Variants in WSCD2 observed in about 807,000 individuals in gnomAD.
WSCD2 encodes WSC domain sialate O sulfotransferase 2.
WSCD2 carries 28 observed loss-of-function variants against 55.7 expected under a neutral mutation model. That is an observed-to-expected ratio of 0.50 (90% CI 0.37 to 0.69). The LOEUF (loss-of-function observed/expected upper bound fraction) is 0.69, where lower values mean the gene tolerates loss of function less well. WSCD2 is among the 30% of genes least tolerant of loss of function. The pLI is 0.00. For missense variants in WSCD2, 616 were observed against 762.1 expected, an observed-to-expected ratio of 0.81 and a Z score of 2.26; for synonymous variants, 301 against 301.9, an observed-to-expected ratio of 1.00 and a Z score of 0.03.
At position 108,140,987 on chromosome 12, in the gene WSCD2, A is replaced by G. The variant is rs1320464337; in HGVS notation, c.-552+11061A>G. ...GATGAGTTCCCTATGGCTACGGGAA[A>G]CAATGTCCATAAAGGTAGTGGCTTG... On this transcript the variant is annotated intron_variant, in intron 1 of 8. Coordinates refer to ENST00000547525, the MANE Select transcript of WSCD2 (RefSeq NM_014653.4). 2.0e-5 allele frequency among the ~76,000 whole-genome samples: 3 copies of G among 152,246 alleles called. No homozygotes were observed. In the East Asian group the frequency reaches 5.8e-4, roughly 29 times the overall value.
intron 8 of WSCD2, among the ~76,000 whole-genome samples, chr12:108,247,309 TA>T (rs1235462516): frequency 6.6e-6 from 1 of 150,386 alleles, no homozygotes; most frequent in African/African-American, 2.4e-5. Flanking sequence ...TATAAGTATG[TA>T]ATCTAAAATA....
At chr12:108,179,264 G>T (rs78429732) in intron 1 of WSCD2, among the ~76,000 whole-genome samples, 2 of 149,208 alleles carry the variant, frequency 1.3e-5, no homozygotes, top group South Asian at 2.1e-4. Context: ...CAGCGGGGGA[G>T]GGGGGGCAGA....
At position 108,211,296 on chromosome 12, in the gene WSCD2, T is replaced by G. The variant is rs13378040; in HGVS notation, c.682+991T>G. Among the ~76,000 whole-genome samples, 1,077 of 152,354 alleles carry G rather than the reference T, an allele frequency of 7.1e-3. 11 individuals carry two copies. Among genetic ancestry groups the G allele is most frequent in the African/African-American group, 0.025 (1,025 of 41,590 alleles). On this transcript the variant is annotated intron_variant, in intron 4 of 8. Coordinates refer to ENST00000547525, the MANE Select transcript of WSCD2 (RefSeq NM_014653.4). ...AAGGACAGAAGCAGAAATCCACAGC[T>G]GCTTCTCTAGCCCTCTGGCCAGTGC...
intron 1 of WSCD2, among the ~76,000 whole-genome samples, chr12:108,157,584 T>A (rs752424686): frequency 6.6e-6 from 1 of 152,192 alleles, no homozygotes; most frequent in Non-Finnish European, 1.5e-5. Context: ...CTTCCAAGAT[T>A]TAAAAAGTGG....
intron 2 of WSCD2, chr12:108,197,122 T>C (rs1884028337): frequency 6.6e-6 from 1 of 151,252 alleles, no homozygotes; most frequent in African/African-American, 2.4e-5. Flanking sequence ...TTAACACAAA[T>C]GGACATTTCA....
chr12:108,240,652 C>T (rs1889665806), intron 8 of WSCD2, 108 bp downstream of exon 8: 3 of 1,292,798 alleles, frequency 2.3e-6, no homozygotes, highest in East Asian at 2.5e-5. Flanking sequence ...GGCAATGCCT[C>T]ATGCGAGGAA....
Position 108,249,074 on chromosome 12 carries a change from A to G in WSCD2, c.*731A>G, listed in dbSNP as rs1890282871. Reference sequence around the variant, plus strand: ...GCCCCTTTCTATCCATGCTGTGTCCAGGAGGTGACCTTGAGATCCTGATAC... The same window carrying G: ...GCCCCTTTCTATCCATGCTGTGTCCGGGAGGTGACCTTGAGATCCTGATAC... On this transcript the variant is annotated 3_prime_UTR_variant, in exon 9 of 9. Transcript: ENST00000547525. 2 of 298,922 alleles carry G rather than the reference A, an allele frequency of 6.7e-6. No homozygotes were observed. Among genetic ancestry groups the G allele is most frequent in the African/African-American group, 4.5e-5 (2 of 43,984 alleles). The allele number at this position is 298,922 out of a possible 1,614,324, so 18.5% of individuals were successfully genotyped here. A position where few individuals can be genotyped will look rare whatever the true frequency, so the allele number is the denominator to read the frequency against.
At chr12:108,140,685 T>A (rs906882125) in intron 1 of WSCD2, among the ~76,000 whole-genome samples, 1 of 152,160 alleles carries the variant, frequency 6.6e-6, no homozygotes, top group Non-Finnish European at 1.5e-5. Flanking sequence ...TCACCCCTCA[T>A]GATCCCCCAG....
At chr12:108,228,947 G>T (rs1348234226) in intron 6 of WSCD2, among the ~76,000 whole-genome samples, 1 of 152,214 alleles carries the variant, frequency 6.6e-6, no homozygotes, top group African/African-American at 2.4e-5. Flanking sequence ...GCCTGCAGGG[G>T]AAAGTCATAC....
In WSCD2 at chr12:108,248,642, G is replaced by C. The variant is rs1890256390; in HGVS notation, c.*299G>C. ...TGGGTCCCTGCCCCCACCACTCTGG[G>C]TTCCATTTGTGGGAGGGAGGGCTCA... On this transcript the variant is annotated 3_prime_UTR_variant, in exon 9 of 9. Transcript: ENST00000547525. This position sits in a 1 kb window ranked among gnomAD's most constrained non-coding sequence, Gnocchi z 4.3. 8.9e-7 allele frequency: 1 copy of C among 1,120,008 alleles called. No individual in the cohort carries two copies. Among genetic ancestry groups the C allele is most frequent in the Non-Finnish European group, 1.1e-6 (1 of 912,286 alleles). The allele number at this position is 1,120,008 out of a possible 1,614,324, so 69.4% of individuals were successfully genotyped here.
intron 1 of WSCD2, among the ~76,000 whole-genome samples, chr12:108,132,398 G>A (rs1442168592): frequency 1.3e-5 from 2 of 152,226 alleles, no homozygotes; most frequent in Non-Finnish European, 2.9e-5. Flanking sequence ...GGGCTCATGT[G>A]CTTGTGTGAG....
chr12:108,174,824 G>A (rs571804575), intron 1 of WSCD2, among the ~76,000 whole-genome samples: 2 of 152,240 alleles, frequency 1.3e-5, no homozygotes, highest in East Asian at 3.9e-4. Context: ...GTCTTGCTTT[G>A]TTGCCCAGAT....
chr12:108,186,902 G>C (rs1197046913), intron 1 of WSCD2, among the ~76,000 whole-genome samples: 2 of 152,140 alleles, frequency 1.3e-5, no homozygotes, highest in South Asian at 4.2e-4. Flanking sequence ...TTGGTCCTAC[G>C]AGATCAAGGA....
intron 1 of WSCD2, among the ~76,000 whole-genome samples, chr12:108,139,409 T>C (rs1385281244): frequency 6.6e-6 from 1 of 152,204 alleles, no homozygotes; most frequent in Non-Finnish European, 1.5e-5. Context: ...ACCCAATGCC[T>C]GCACCTAGGA....
chr12:108,225,749 G>GC (rs1888011006), intron 5 of WSCD2, among the ~76,000 whole-genome samples: 1 of 152,084 alleles, frequency 6.6e-6, no homozygotes, highest in Admixed American at 6.5e-5. Context: ...TATATTTTGT[G>GC]CCCCCCTTCA....
chr12:108,224,892 G>C lies in WSCD2; in HGVS notation c.804+32G>C, dbSNP rs573339062. The C allele has an allele frequency of 5.8e-5, 93 of 1,607,338 alleles. 3 individuals carry two copies. The South Asian group carries it at 8.3e-4, about 14-fold the overall frequency. On this transcript the variant is annotated intron_variant, in intron 5 of 8. Coordinates refer to ENST00000547525, the MANE Select transcript of WSCD2 (RefSeq NM_014653.4). ...ACAAGGTGGGGCCCATGGAACTCAG[G>C]GGGAGGGAACCATGCAGCAGAGCTG...
Position 108,242,971 on chromosome 12 carries a change from G to GC in WSCD2, c.1345+2432dup, listed in dbSNP as rs1173216050. On this transcript the variant is annotated intron_variant, in intron 8 of 8. Coordinates refer to ENST00000547525, the MANE Select transcript of WSCD2 (RefSeq NM_014653.4). ...ATGGGAGAAGGGATCTTCTCCAAGTGCCCCCTCCAAGGCCTGACCCAGGCA... is the reference window on the plus strand; with the variant it reads ...ATGGGAGAAGGGATCTTCTCCAAGTGCCCCCCTCCAAGGCCTGACCCAGGCA... 3.3e-5 allele frequency among the ~76,000 whole-genome samples: 5 copies of GC among 152,196 alleles called. No individual in the cohort carries two copies. In the East Asian group the frequency reaches 9.6e-4, roughly 29 times the overall value.
At chr12:108,159,626 C>G (rs993860858) in intron 1 of WSCD2, among the ~76,000 whole-genome samples, 1 of 152,168 alleles carries the variant, frequency 6.6e-6, no homozygotes, top group Non-Finnish European at 1.5e-5. Flanking sequence ...AACAAATGAG[C>G]TAGTGATGTT....
At chr12:108,221,128 G>C (rs1052514204) in intron 4 of WSCD2, among the ~76,000 whole-genome samples, 1 of 152,162 alleles carries the variant, frequency 6.6e-6, no homozygotes, top group African/African-American at 2.4e-5. Flanking sequence ...AGTGGAAAGA[G>C]GGAGGAAAAG....
Sources: gnomAD v4.1 joint callset for allele counts (sites outside exome capture counted in the v4.1 genomes callset) on GRCh38, gnomAD v4.1.1 for gene constraint, Gnocchi (gnomAD v3.1) non-coding constraint, MANE v1.5 for transcripts, NCBI Gene and HGNC (gene_info 2026-07-23, HGNC 2026-07-21) for gene names.